Variants in MACO1 observed in about 807,000 individuals in gnomAD.
MACO1 encodes macoilin 1, also known as macoilin.
Under a neutral mutation model 78.7 loss-of-function variants are expected in MACO1, and 14 were observed. The ratio of observed to expected loss-of-function variants is 0.18; its 90% CI spans 0.12 to 0.28. The LOEUF is 0.28. Among genes scored for constraint, MACO1 ranks in the 10% least tolerant of loss-of-function variants. The probability of loss-of-function intolerance (pLI) is 1.00; values close to 1 mark genes in which losing one functional copy is unlikely to be tolerated. For missense variants in MACO1, 501 were observed against 799.0 expected, an observed-to-expected ratio of 0.63 and a Z score of 4.50; for synonymous variants, 288 against 291.6, an observed-to-expected ratio of 0.99 and a Z score of 0.12.
intron 9 of MACO1, among the ~76,000 whole-genome samples, chr1:25,490,718 A>G (rs1178964390): frequency 1.3e-5 from 2 of 152,254 alleles, no homozygotes; most frequent in African/African-American, 2.4e-5. Context: ...TGTACAGCCA[A>G]TAAAAATTTT....
At chr1:25,462,797 C>CTTTTACAAGCTGGCGGGTCTTTTACA (rs756385403) in intron 6 of MACO1, among the ~76,000 whole-genome samples, 50 of 151,204 alleles carry the variant, frequency 3.3e-4, no homozygotes, top group East Asian at 1.9e-3. Flanking sequence ...AAAGGGCGGG[C>CTTTTACAAGCTGGCGGGTCTTTTACA]AGTCTGGCAG....
chr1:25,440,481 A>G (rs2042961640), intron 1 of MACO1, among the ~76,000 whole-genome samples: 1 of 152,044 alleles, frequency 6.6e-6, no homozygotes, highest in Admixed American at 6.5e-5. Flanking sequence ...AAAAGTACCA[A>G]TAAATTGCTG....
chr1:25,440,667 G>A (rs933430917), intron 1 of MACO1, among the ~76,000 whole-genome samples: 4 of 151,176 alleles, frequency 2.6e-5, no homozygotes, highest in African/African-American at 9.7e-5. Flanking sequence ...TACTTGAGAG[G>A]CTGAGGTGGG....
chr1:25,443,967 C>CACA (rs1247468702), intron 1 of MACO1, among the ~76,000 whole-genome samples: 22 of 140,148 alleles, frequency 1.6e-4, no homozygotes, highest in African/African-American at 5.9e-4. Flanking sequence ...GAGATGGTGT[C>CACA]TTGGCCAGAC....
intron 6 of MACO1, among the ~76,000 whole-genome samples, chr1:25,474,838 G>A (rs1053831409): frequency 4.6e-5 from 7 of 152,164 alleles, no homozygotes; most frequent in African/African-American, 1.4e-4. Flanking sequence ...TTTGAACTTC[G>A]CAGCACCATT....
intron 1 of MACO1, 64 bp downstream of exon 1, chr1:25,431,242 C>A: frequency 7.5e-7 from 1 of 1,333,190 alleles, no homozygotes; most frequent in Non-Finnish European, 1.0e-6. Context: ...CTCCGAGGGG[C>A]CTGGCCCCGT....
At chr1:25,444,815 G>A (rs1338211356) in intron 1 of MACO1, among the ~76,000 whole-genome samples, 1 of 152,006 alleles carries the variant, frequency 6.6e-6, no homozygotes, top group African/African-American at 2.4e-5. Flanking sequence ...TCGAACTCCT[G>A]GACACCTTGG....
At chr1:25,445,646 T>C (rs1475713195) in intron 1 of MACO1, among the ~76,000 whole-genome samples, 1 of 152,072 alleles carries the variant, frequency 6.6e-6, no homozygotes, top group East Asian at 1.9e-4. Context: ...TGTAAGTCTT[T>C]TGTATCTTAT....
chr1:25,479,981 C>T (rs2043357333), intron 6 of MACO1, among the ~76,000 whole-genome samples: 1 of 152,030 alleles, frequency 6.6e-6, no homozygotes, highest in Non-Finnish European at 1.5e-5. Context: ...AAATAGTGAG[C>T]AGTTCGTCTG....
chr1:25,463,055 CT>C (rs989129719), intron 6 of MACO1, among the ~76,000 whole-genome samples: 1 of 152,156 alleles, frequency 6.6e-6, no homozygotes, highest in Non-Finnish European at 1.5e-5. Context: ...CTGTCTGGCC[CT>C]TTACAGAAAA....
intron 1 of MACO1, among the ~76,000 whole-genome samples, chr1:25,431,628 G>T (rs1473064111): frequency 1.3e-5 from 2 of 152,156 alleles, no homozygotes; most frequent in Non-Finnish European, 1.5e-5. Context: ...CAGCGCGGGG[G>T]GGTGGGGGAG....
intron 3 of MACO1, among the ~76,000 whole-genome samples, chr1:25,452,432 G>T (rs1223129197): frequency 1.1e-4 from 17 of 152,180 alleles, no homozygotes. Flanking sequence ...CTTGAAAATT[G>T]TTTTTAATTA....
Position 25,480,928 on chromosome 1 carries a change from AAATATATATATATATAT to A in MACO1, c.1155-3186_1155-3170del, listed in dbSNP as rs1441561089. ...GAGACTTGGTTAAAAAAAAAAAAAA[AAATATATATATATATAT>A]ATATATATATATATATATATATATA... On this transcript the variant is annotated intron_variant, in intron 6 of 10. Transcript: ENST00000374343. Among the ~76,000 whole-genome samples, 59 of 26,908 alleles carry A rather than the reference AAATATATATATATATAT, an allele frequency of 2.2e-3. 1 individual carries two copies. The highest frequency in any genetic ancestry group is 6.6e-3 in the African/African-American group (55 of 8,284). The allele number at this position is 26,908 out of a possible 152,430, so 17.7% of individuals were successfully genotyped here.
At chr1:25,495,196 G>C (rs1345117162) in intron 10 of MACO1, among the ~76,000 whole-genome samples, 1 of 152,042 alleles carries the variant, frequency 6.6e-6, no homozygotes, top group Non-Finnish European at 1.5e-5. Flanking sequence ...GATTCCCCCT[G>C]GCGTGAAGCA....
intron 1 of MACO1, among the ~76,000 whole-genome samples, chr1:25,438,694 G>T (rs1461709069): frequency 1.3e-5 from 2 of 152,198 alleles, no homozygotes; most frequent in African/African-American, 4.8e-5. Context: ...CCTGAGGTCA[G>T]GAGTTCAAGA....
intron 2 of MACO1, among the ~76,000 whole-genome samples, chr1:25,447,690 G>A (rs953465645): frequency 1.3e-5 from 2 of 152,140 alleles, no homozygotes; most frequent in African/African-American, 4.8e-5. Context: ...ATGAGTGAGT[G>A]TAAAAAAGGC....
chr1:25,491,304 G>C (rs1299249991), intron 9 of MACO1, 106 bp from the exon 10 acceptor site: 6 of 1,491,064 alleles, frequency 4.0e-6, no homozygotes, highest in Non-Finnish European at 5.4e-6. Flanking sequence ...TTGTGTTCTA[G>C]TGGCCAGACC....
In MACO1 at chr1:25,456,699, G is replaced by A. The variant is rs536920971; in HGVS notation, c.520G>A (p.Val174Ile). ...VTLGFGFKSY[V>I]SYKMRLRKQK... is the part of the protein sequence containing the mutation. The stretch of plus-strand genomic sequence containing the variant: ...TTTGGGGTTTGGCTTCAAAAGTTAC[G>A]TAAGCTACAAAATGCGGTTAAGGAA... Residue 174 changes from valine to isoleucine, a missense_variant, in exon 5 of 11, where the codon GTA becomes ATA. Around this residue, in one of 5 missense-constraint regions of MACO1, gnomAD observed 171 missense variants for 292.1 expected, o/e 0.59. Coordinates refer to ENST00000374343, the MANE Select transcript of MACO1 (RefSeq NM_018202.6). The A allele has an allele frequency of 1.2e-5, 19 of 1,613,806 alleles. No homozygotes were observed. The African/African-American group carries it at 1.2e-4, about 10-fold the overall frequency.
intron 6 of MACO1, among the ~76,000 whole-genome samples, chr1:25,471,524 T>C (rs1178808660): frequency 6.6e-6 from 1 of 152,236 alleles, no homozygotes; most frequent in Non-Finnish European, 1.5e-5. Context: ...CATAATAGAA[T>C]GTAAGCTCAG....
Sources: allele counts gnomAD v4.1 joint callset (sites outside exome capture counted in the v4.1 genomes callset), GRCh38; gene constraint gnomAD v4.1.1; regional missense constraint gnomAD v4.1.1; transcripts MANE v1.5; gene names NCBI Gene and HGNC (gene_info 2026-07-23, HGNC 2026-07-21).